The following TFEC variants were observed in gnomAD, a reference collection of about 807,000 sequenced individuals.
TFEC encodes the protein transcription factor EC.
TFEC carries 31 observed loss-of-function variants against 41.6 expected under a neutral mutation model. That is an observed-to-expected ratio of 0.74 (90% CI 0.56 to 1.01). The LOEUF (loss-of-function observed/expected upper bound fraction) is 1.01, where lower values mean the gene tolerates loss of function less well. Among genes scored for constraint, TFEC ranks in the 50% least tolerant of loss-of-function variants. The pLI is 0.00. For synonymous variants in TFEC, 143 were observed against 140.6 expected, an observed-to-expected ratio of 1.02 and a Z score of -0.12; for missense variants, 402 against 404.1, an observed-to-expected ratio of 0.99 and a Z score of 0.04.
intron 4 of TFEC, among the ~76,000 whole-genome samples, chr7:115,956,404 TATGTATATATGTGTGTATATAC>T (rs1388075423): frequency 6.6e-6 from 1 of 151,940 alleles, no homozygotes; most frequent in Non-Finnish European, 1.5e-5. Context: ...TTTATATATG[TATGTATATATGTGTGTATATAC>T]ATGTATATAT....
intron 1 of TFEC, among the ~76,000 whole-genome samples, chr7:116,145,303 C>G (rs1450151926): frequency 1.3e-5 from 2 of 152,152 alleles, no homozygotes; most frequent in African/African-American, 2.4e-5. Flanking sequence ...CTACAAATCT[C>G]ACCCCCACCC....
upstream of TFEC, among the ~76,000 whole-genome samples, chr7:116,032,458 A>G (rs1356087905): frequency 2.6e-5 from 4 of 152,290 alleles, no homozygotes; most frequent in Middle Eastern, 3.4e-3. Flanking sequence ...TAGACTGGAT[A>G]AAGAAAATGT....
At chr7:116,117,695 C>G (rs1402238418) in intron 1 of TFEC, 1 of 151,826 alleles carries the variant, frequency 6.6e-6, no homozygotes, top group Non-Finnish European at 1.5e-5. Flanking sequence ...AATTACAAAT[C>G]TGTATTTTGA....
At chr7:116,130,888 A>G (rs1401961769) in intron 1 of TFEC, among the ~76,000 whole-genome samples, 2 of 152,236 alleles carry the variant, frequency 1.3e-5, no homozygotes, top group Non-Finnish European at 2.9e-5. Flanking sequence ...CTGGGATTAT[A>G]GGCATGAGCC....
At chr7:116,074,075 A>G (rs1029705355) in intron 3 of TFEC, among the ~76,000 whole-genome samples, 2 of 151,930 alleles carry the variant, frequency 1.3e-5, no homozygotes, top group Non-Finnish European at 2.9e-5. Context: ...CTTAAAATGG[A>G]TCTCAGACCT....
At chr7:116,028,667 C>T (rs1012961915) in intron 1 of TFEC, among the ~76,000 whole-genome samples, 2 of 152,162 alleles carry the variant, frequency 1.3e-5, no homozygotes, top group African/African-American at 2.4e-5. Context: ...ACTGTAAGAG[C>T]TTTCATCTCC....
chr7:116,087,126 T>A (rs1379644411), intron 3 of TFEC, among the ~76,000 whole-genome samples: 1 of 152,040 alleles, frequency 6.6e-6, no homozygotes, highest in East Asian at 1.9e-4. Context: ...AGGGACAACA[T>A]CTCAGCCAAT....
At chr7:116,101,543 A>C (rs1797604993) in intron 3 of TFEC, among the ~76,000 whole-genome samples, 1 of 152,194 alleles carries the variant, frequency 6.6e-6, no homozygotes, top group South Asian at 2.1e-4. Flanking sequence ...AAGTTTTAAA[A>C]ATATTCAAAC....
intron 1 of TFEC, among the ~76,000 whole-genome samples, chr7:115,985,974 G>T (rs1793837114): frequency 6.6e-6 from 1 of 152,118 alleles, no homozygotes; most frequent in South Asian, 2.1e-4. Flanking sequence ...AAAGAACATT[G>T]TATACCTACA....
intron 1 of TFEC, among the ~76,000 whole-genome samples, chr7:116,131,680 T>C (rs370761163): frequency 1.3e-5 from 2 of 152,146 alleles, no homozygotes; most frequent in Admixed American, 1.3e-4. Flanking sequence ...CTAACATGAG[T>C]GTACTTGAAA....
rs1793768749 is a variant in TFEC at position 115,984,511 on chromosome 7, G to A, written c.-70C>T. On this transcript the variant is annotated splice_region_variant and 5_prime_UTR_variant, in exon 2 of 8. Transcript: ENST00000265440. Reference sequence around the variant, plus strand: ...TTGCAGAACTTTCCAGGTGTGCTGGGACCTACAAGATCAAAATTAAACAAA... The same window carrying A: ...TTGCAGAACTTTCCAGGTGTGCTGGAACCTACAAGATCAAAATTAAACAAA... 1.9e-6 allele frequency: 3 copies of A among 1,613,228 alleles called. No individual in the cohort carries two copies. The South Asian group carries it at 3.3e-5, about 18-fold the overall frequency.
intron 1 of TFEC, among the ~76,000 whole-genome samples, chr7:115,989,563 A>T (rs1031466461): frequency 6.6e-6 from 1 of 151,824 alleles, no homozygotes; most frequent in South Asian, 2.1e-4. Context: ...GCGCTTTTCC[A>T]GAGGAGATTA....
At chr7:116,146,535 T>C (rs1798645022) in intron 1 of TFEC, among the ~76,000 whole-genome samples, 2 of 152,226 alleles carry the variant, frequency 1.3e-5, no homozygotes, top group South Asian at 2.1e-4. Flanking sequence ...ATCACCTATA[T>C]GGTTCAAAAT....
chr7:115,972,603 T>G (rs1222860989), intron 3 of TFEC, among the ~76,000 whole-genome samples: 1 of 152,152 alleles, frequency 6.6e-6, no homozygotes, highest in Admixed American at 6.6e-5. Context: ...TCAGTAAATA[T>G]TTGGTTAATT....
At position 115,935,167 on chromosome 7, in the gene TFEC, CTTTCA is replaced by C. The variant is rs1031381081; in HGVS notation, c.*5379_*5383del. On this transcript the variant is annotated 3_prime_UTR_variant, in exon 8 of 8. Transcript: ENST00000265440. ...CTGTAAAACATTTCATAATTATAGTCTTTCATTTAATATATGCAAAGAAAATATTG... is the reference window on the plus strand; with the variant it reads ...CTGTAAAACATTTCATAATTATAGTCTTTAATATATGCAAAGAAAATATTG... The C allele has an allele frequency of 1.3e-5, 2 of 151,572 alleles. No individual in the cohort carries two copies. Among genetic ancestry groups the C allele is most frequent in the African/African-American group, 4.8e-5 (2 of 41,352 alleles). 9.4% of individuals were successfully genotyped at this position (151,572 alleles called of 1,614,324 possible).
intron 1 of TFEC, among the ~76,000 whole-genome samples, chr7:115,995,602 A>G (rs1430221900): frequency 6.6e-6 from 1 of 152,234 alleles, no homozygotes; most frequent in African/African-American, 2.4e-5. Flanking sequence ...CTAGCCACAC[A>G]TAAAAACACC....
At chr7:116,077,410 T>C (rs1178274613) in intron 3 of TFEC, among the ~76,000 whole-genome samples, 3 of 152,026 alleles carry the variant, frequency 2.0e-5, no homozygotes, top group East Asian at 3.9e-4. Flanking sequence ...ATGGATAGAA[T>C]AGTACCTCAC....
At chr7:116,052,300 A>G (rs1434371354) in intron 3 of TFEC, among the ~76,000 whole-genome samples, 3 of 152,198 alleles carry the variant, frequency 2.0e-5, no homozygotes, top group Non-Finnish European at 4.4e-5. Flanking sequence ...ATTTATTTAC[A>G]TTTATCAAAA....
intron 1 of TFEC, among the ~76,000 whole-genome samples, chr7:116,020,062 A>T (rs1795335566): frequency 6.6e-6 from 1 of 152,154 alleles, no homozygotes. Context: ...TTTAATCCTC[A>T]CAGCAAGCCA....
Sources: gnomAD v4.1 joint callset for allele counts (sites outside exome capture counted in the v4.1 genomes callset) on GRCh38, gnomAD v4.1.1 for gene constraint, MANE v1.5 for transcripts, NCBI Gene and HGNC (gene_info 2026-07-23, HGNC 2026-07-21) for gene names.